GAK: variants seen among roughly 807,000 people sequenced by gnomAD.
GAK encodes the protein cyclin-G-associated kinase.
A neutral mutation model predicts 143.9 loss-of-function variants in GAK; 79 were observed. That is an observed-to-expected ratio of 0.55 (90% CI 0.46 to 0.66). The LOEUF is 0.66. Ranked by LOEUF, GAK falls within the 30% of genes least tolerant of loss-of-function variation. GAK has a pLI of 0.00. For missense variants in GAK, 1,693 were observed against 1,779.7 expected (o/e 0.95, Z 0.88); for synonymous variants, 881 against 765.5 (o/e 1.15, Z -2.49).
At position 850,284 on chromosome 4, in the gene GAK, G is replaced by A. The variant is rs534239867; in HGVS notation, c.3658-216C>T. 2.4e-4 allele frequency: 112 copies of A among 457,208 alleles called. 1 individual carries two copies. The South Asian group carries it at 4.1e-3, about 17-fold the overall frequency. The allele number at this position is 457,208 out of a possible 1,614,324, so 28.3% of individuals were successfully genotyped here. A position where few individuals can be genotyped will look rare whatever the true frequency, so the allele number is the denominator to read the frequency against. On this transcript the variant is annotated intron_variant, in intron 26 of 27. Transcript: ENST00000314167. ...AGGTGGTCTTCATGTTTCAGGGCCT[G>A]GGGCCAGAGGGACCCTCGTCTCAGC...
chr4:857,957 C>T (rs1749587121), intron 24 of GAK, among the ~76,000 whole-genome samples: 1 of 152,192 alleles, frequency 6.6e-6, no homozygotes, highest in Admixed American at 6.5e-5. Flanking sequence ...CATCTTCACT[C>T]AGCTCCACGC....
intron 3 of GAK, chr4:912,330 G>A (rs1016356770): frequency 3.3e-5 from 12 of 368,862 alleles, no homozygotes; most frequent in Non-Finnish European, 5.5e-5. Context: ...AGCCTGAGAA[G>A]GGACGAGAGG....
intron 4 of GAK, among the ~76,000 whole-genome samples, chr4:906,485 T>G (rs1052029798): frequency 1.3e-5 from 2 of 152,148 alleles, no homozygotes; most frequent in Non-Finnish European, 2.9e-5. Flanking sequence ...GAGGACCTGC[T>G]GGGGACTGAA....
intron 1 of GAK, among the ~76,000 whole-genome samples, chr4:930,913 C>T (rs1375025065): frequency 6.6e-6 from 1 of 152,192 alleles, no homozygotes; most frequent in Non-Finnish European, 1.5e-5. Context: ...AGAGCAGGCA[C>T]CTGGACAGGC....
intron 22 of GAK, 113 bp downstream of exon 22, chr4:866,251 C>G (rs1458804884): frequency 1.8e-6 from 2 of 1,128,870 alleles, no homozygotes; most frequent in African/African-American, 3.1e-5. Context: ...ACCCGGAGGC[C>G]ACACAGTCCA....
chr4:916,614 A>G (rs1023540740), intron 1 of GAK, among the ~76,000 whole-genome samples: 1 of 152,210 alleles, frequency 6.6e-6, no homozygotes, highest in Non-Finnish European at 1.5e-5. Context: ...ACCACTGCCC[A>G]TTAGAGAAAT....
intron 24 of GAK, among the ~76,000 whole-genome samples, chr4:854,376 G>A (rs541488396): frequency 2.0e-5 from 3 of 152,204 alleles, no homozygotes; most frequent in Admixed American, 6.5e-5. Context: ...CTCCCAGTCC[G>A]CAGCTCAGAT....
chr4:864,375 A>T (rs1052042398), intron 23 of GAK, among the ~76,000 whole-genome samples: 1 of 152,096 alleles, frequency 6.6e-6, no homozygotes, highest in Admixed American at 6.6e-5. Context: ...ACAAAAACAA[A>T]AACAAAACCC....
intron 1 of GAK, among the ~76,000 whole-genome samples, chr4:928,309 C>G (rs1034106254): frequency 6.6e-6 from 1 of 152,224 alleles, no homozygotes; most frequent in African/African-American, 2.4e-5. Flanking sequence ...CTGCCCACCT[C>G]GGCCTCCCAA....
rs55904229 is a variant in GAK at position 849,748 on chromosome 4, G to A, written c.3861C>T (p.His1287=). ...DKAAGQPYEQ[H]AKMIFMELND... Reference sequence around the variant, plus strand: ...TCAGCTCCATGAAGATCATCTTGGCGTGCTGCTCGTACGGCTGCCCCGCAG... The same window carrying A: ...TCAGCTCCATGAAGATCATCTTGGCATGCTGCTCGTACGGCTGCCCCGCAG... Residue 1287 remains histidine, a synonymous_variant, in exon 28 of 28, where the codon CAC becomes CAT. Transcript: ENST00000314167. 4.1e-3 allele frequency: 6,616 copies of A among 1,613,302 alleles called. 20 individuals are homozygous for A. Among genetic ancestry groups the A allele is most frequent in the Non-Finnish European group, 4.8e-3 (5,721 of 1,179,610 alleles).
chr4:924,976 C>CG (rs779171888), intron 1 of GAK, among the ~76,000 whole-genome samples: 5 of 151,492 alleles, frequency 3.3e-5, no homozygotes, highest in Non-Finnish European at 5.9e-5. Context: ...GAGTTCTGCC[C>CG]GGGGGCTGCT....
chr4:924,976 CG>C (rs779171888), intron 1 of GAK, among the ~76,000 whole-genome samples: 8 of 151,492 alleles, frequency 5.3e-5, no homozygotes, highest in Non-Finnish European at 1.0e-4. Context: ...GAGTTCTGCC[CG>C]GGGGCTGCTC....
intron 25 of GAK, 72 bp downstream of exon 25, chr4:851,678 C>T: frequency 6.8e-7 from 1 of 1,480,594 alleles, no homozygotes; most frequent in Non-Finnish European, 9.4e-7. Flanking sequence ...AAGAAAACAA[C>T]ATAGGTTCTA....
chr4:880,406 C>A (rs985498202), intron 15 of GAK, among the ~76,000 whole-genome samples: 7 of 152,256 alleles, frequency 4.6e-5, no homozygotes, highest in African/African-American at 1.7e-4. Flanking sequence ...CAGAGTGCAG[C>A]TCTTTCTCTC....
intron 1 of GAK, among the ~76,000 whole-genome samples, chr4:920,499 C>T (rs572191330): frequency 5.2e-4 from 78 of 149,680 alleles, no homozygotes; most frequent in African/African-American, 1.5e-3. Context: ...AAGAATATTG[C>T]GACATTATTC....
chr4:884,739 G>A (rs184145940), intron 11 of GAK, among the ~76,000 whole-genome samples: 49 of 152,354 alleles, frequency 3.2e-4, no homozygotes, highest in African/African-American at 1.1e-3. Context: ...GTGTAAGAAT[G>A]GCCAAGCTGT....
rs34176109 is a variant in GAK, at chr4:920,539, A to ATTTTTTTTTTTTTTT, written c.146-6886_146-6872dup. Among the ~76,000 whole-genome samples the ATTTTTTTTTTTTTTT allele has an allele frequency of 1.1e-3, 144 of 129,550 alleles. 8 individuals carry two copies. The highest frequency in any genetic ancestry group is 7.9e-3 in the East Asian group (33 of 4,184). 85.0% of individuals were successfully genotyped at this position (129,550 alleles called of 152,430 possible). The stretch of plus-strand genomic sequence containing the variant: ...AAAATTGTGAAAAAGGTTTAGAGCC[A>ATTTTTTTTTTTTTTT]TTTTTTTTTTTTTTTTTTTTTTGAG... On this transcript the variant is annotated intron_variant, in intron 1 of 27. Coordinates refer to ENST00000314167, the MANE Select transcript of GAK (RefSeq NM_005255.4).
chr4:894,978 C>CAAATAAAT (rs1553885659), intron 7 of GAK, among the ~76,000 whole-genome samples: 8,111 of 126,434 alleles, frequency 0.064, 495 homozygotes, highest in African/African-American at 0.18. Context: ...GACTCTGTCT[C>CAAATAAAT]AAATAAATAA....
Position 932,225 on chromosome 4 carries a change from G to T in GAK, c.-38C>A. 1 of 1,499,548 alleles carries T rather than the reference G, an allele frequency of 6.7e-7. No individual in the cohort carries two copies. The highest frequency in any genetic ancestry group is 8.9e-7 in the Non-Finnish European group (1 of 1,128,276). 92.9% of individuals were successfully genotyped at this position (1,499,548 alleles called of 1,614,324 possible). A position where few individuals can be genotyped will look rare whatever the true frequency, so the allele number is the denominator to read the frequency against. On this transcript the variant is annotated 5_prime_UTR_variant, in exon 1 of 28. Transcript: ENST00000314167. The surrounding 1 kb of genome is among the most constrained non-coding windows in gnomAD (Gnocchi z 4.0). ...GCCGCACCCCGCGGCAGCCGGAGTG[G>T]TCGGGCTCGGGCTCCCGCTCCCTCG...
Sources: allele counts gnomAD v4.1 joint callset (sites outside exome capture counted in the v4.1 genomes callset), GRCh38; gene constraint gnomAD v4.1.1; non-coding constraint Gnocchi (gnomAD v3.1); transcripts MANE v1.5; gene names NCBI Gene and HGNC (gene_info 2026-07-23, HGNC 2026-07-21).